PFKFB2: variants seen among roughly 807,000 people sequenced by gnomAD.
The protein encoded by PFKFB2 is 6-phosphofructo-2-kinase/fructose-2,6-bisphosphatase 2.
PFKFB2 carries 53 observed loss-of-function variants against 68.0 expected under a neutral mutation model. The ratio of observed to expected loss-of-function variants is 0.78; its 90% CI spans 0.63 to 0.98. The LOEUF is 0.98. PFKFB2 is among the 50% of genes least tolerant of loss of function. The pLI is 0.00. For synonymous variants in PFKFB2, 222 were observed against 227.6 expected (o/e 0.98, Z 0.22); for missense variants, 451 against 642.0 (o/e 0.70, Z 3.22).
At chr1:207,064,920 C>G (rs746858367) in intron 7 of PFKFB2, 116 bp from the exon 8 acceptor site, 2 of 1,208,072 alleles carry the variant, frequency 1.7e-6, no homozygotes, top group South Asian at 3.0e-5. Context: ...TGCCAATGTT[C>G]CAGTGAAAGG....
intron 2 of PFKFB2, among the ~76,000 whole-genome samples, chr1:207,061,173 A>ATT (rs1423603779): frequency 0.011 from 730 of 64,100 alleles, 41 homozygotes; most frequent in African/African-American, 0.05. Flanking sequence ...CTTTATATAT[A>ATT]TATATATATA....
chr1:207,079,083 C>A, downstream of PFKFB2: 2 of 1,360,178 alleles, frequency 1.5e-6, no homozygotes, highest in Non-Finnish European at 1.0e-6. Flanking sequence ...CTTGGGATGT[C>A]AGCTTCACAG....
intron 1 of PFKFB2, among the ~76,000 whole-genome samples, chr1:207,036,011 A>T (rs61238361): frequency 0.041 from 6,194 of 152,288 alleles, 402 homozygotes; most frequent in African/African-American, 0.14. Context: ...AGACCTAGTA[A>T]TTGATACGGA....
intron 1 of PFKFB2, among the ~76,000 whole-genome samples, chr1:207,039,936 T>G (rs147092580): frequency 2.6e-5 from 4 of 152,004 alleles, no homozygotes; most frequent in Non-Finnish European, 5.9e-5. Flanking sequence ...AGAGGCTGAG[T>G]GGTACTTCTG....
Position 207,076,461 on chromosome 1 carries a change from C to T in PFKFB2, c.*4090C>T. On this transcript the variant is annotated 3_prime_UTR_variant, in exon 15 of 15. Transcript: ENST00000367080. ...AATTTGATAGATTTACCCAGCTTTTCTATGTATTTTGACTTATTGAAAATA... is the reference window on the plus strand; with the variant it reads ...AATTTGATAGATTTACCCAGCTTTTTTATGTATTTTGACTTATTGAAAATA... 21 of 985,306 alleles carry T rather than the reference C, an allele frequency of 2.1e-5. No individual in the cohort carries two copies. Among genetic ancestry groups the T allele is most frequent in the Non-Finnish European group, 2.4e-5 (20 of 829,870 alleles). The allele number at this position is 985,306 out of a possible 1,614,324, so 61.0% of individuals were successfully genotyped here.
Position 207,074,028 on chromosome 1 carries a change from C to T in PFKFB2, c.*1657C>T. The stretch of plus-strand genomic sequence containing the variant: ...ATCCAGGAGTATTCCTTAGAATTGC[C>T]TTTAGGATTGTTGAATCATAAACAT... On this transcript the variant is annotated 3_prime_UTR_variant, in exon 15 of 15. Coordinates refer to ENST00000367080, the MANE Select transcript of PFKFB2 (RefSeq NM_006212.2). 4.2e-6 allele frequency: 4 copies of T among 957,234 alleles called. No homozygotes were observed. The highest frequency in any genetic ancestry group is 3.7e-6 in the Non-Finnish European group (3 of 804,274). 59.3% of individuals were successfully genotyped at this position (957,234 alleles called of 1,614,324 possible).
intron 7 of PFKFB2, 125 bp from the exon 8 acceptor site, chr1:207,064,911 G>A (rs1683237531): frequency 1.8e-6 from 2 of 1,096,860 alleles, no homozygotes; most frequent in Non-Finnish European, 2.6e-6. Context: ...TGAGTGGAGT[G>A]CCAATGTTCC....
At chr1:207,071,115 T>C in intron 12 of PFKFB2, 73 bp from the exon 13 acceptor site, 1 of 1,192,028 alleles carries the variant, frequency 8.4e-7, no homozygotes, top group Non-Finnish European at 1.3e-6. Flanking sequence ...GCTCTGTAGA[T>C]TCTTTCTTCC....
In PFKFB2 at chr1:207,072,477, C is replaced by G; in HGVS notation, c.*106C>G. On this transcript the variant is annotated 3_prime_UTR_variant, in exon 15 of 15. Coordinates refer to ENST00000367080, the MANE Select transcript of PFKFB2 (RefSeq NM_006212.2). ...CCAAGGAGTCATTAACTTCCTCCCT[C>G]TATGCCCACCCCTGACACTTCACCA... The G allele has an allele frequency of 1.3e-6, 2 of 1,495,586 alleles. No homozygotes were observed. The highest frequency in any genetic ancestry group is 1.4e-5 in the South Asian group (1 of 72,684). 92.6% of individuals were successfully genotyped at this position (1,495,586 alleles called of 1,614,324 possible).
chr1:207,072,859 C>T lies in PFKFB2; in HGVS notation c.*488C>T. 1 of 989,978 alleles carries T rather than the reference C, an allele frequency of 1.0e-6. No individual in the cohort carries two copies. Among genetic ancestry groups the T allele is most frequent in the Non-Finnish European group, 1.2e-6 (1 of 833,032 alleles). 61.3% of individuals were successfully genotyped at this position (989,978 alleles called of 1,614,324 possible). ...ACTCCTTACTTGACTGCTTTCTTCCCCCACTTTCATGTCCCCTCTGGATTG... is the reference window on the plus strand; with the variant it reads ...ACTCCTTACTTGACTGCTTTCTTCCTCCACTTTCATGTCCCCTCTGGATTG... On this transcript the variant is annotated 3_prime_UTR_variant, in exon 15 of 15. Transcript: ENST00000367080.
intron 2 of PFKFB2, chr1:207,060,788 T>C (rs1470816673): frequency 1.3e-5 from 2 of 151,844 alleles, no homozygotes; most frequent in Non-Finnish European, 2.9e-5. Flanking sequence ...GATGATGTCA[T>C]TGTTACTTTT....
chr1:207,062,720 A>G lies in PFKFB2; in HGVS notation c.308+4A>G, dbSNP rs745723210. On this transcript the variant is annotated splice_donor_region_variant and intron_variant, in intron 4 of 14. Transcript: ENST00000367080. ...AGGAGGCCATGAAGATCCGCAAGTGAGTCTTGTTTAAGGCCTGATCTCCAG... is the reference window on the plus strand; with the variant it reads ...AGGAGGCCATGAAGATCCGCAAGTGGGTCTTGTTTAAGGCCTGATCTCCAG... The G allele has an allele frequency of 6.2e-7, 1 of 1,613,202 alleles. No homozygotes were observed. Among genetic ancestry groups the G allele is most frequent in the South Asian group, 1.1e-5 (1 of 90,954 alleles).
downstream of PFKFB2, chr1:207,080,259 T>A (rs1558070625): frequency 6.6e-6 from 1 of 152,218 alleles, no homozygotes; most frequent in Non-Finnish European, 1.5e-5. Flanking sequence ...GTTTTTAGCT[T>A]TACTTTTCTT....
chr1:207,076,043 T>C lies in PFKFB2; in HGVS notation c.*3672T>C. ...TATATCTTTGCCTCTGGTGTTTCGT[T>C]GTTGTTGTTATTGTTTGTTTGTTTC... On this transcript the variant is annotated 3_prime_UTR_variant, in exon 15 of 15. Coordinates refer to ENST00000367080, the MANE Select transcript of PFKFB2 (RefSeq NM_006212.2). The C allele has an allele frequency of 1.4e-5, 14 of 984,312 alleles. No individual in the cohort carries two copies. Among genetic ancestry groups the C allele is most frequent in the Non-Finnish European group, 1.7e-5 (14 of 829,234 alleles). The allele number at this position is 984,312 out of a possible 1,614,324, so 61.0% of individuals were successfully genotyped here.
rs1483549989 is a variant in PFKFB2 at position 207,076,848 on chromosome 1, C to T, written c.*4477C>T. 4.1e-6 allele frequency: 4 copies of T among 985,216 alleles called. No homozygotes were observed. The African/African-American group carries it at 7.0e-5, about 17-fold the overall frequency. The allele number at this position is 985,216 out of a possible 1,614,324, so 61.0% of individuals were successfully genotyped here. A position where few individuals can be genotyped will look rare whatever the true frequency, so the allele number is the denominator to read the frequency against. ...TGACTAACGGTCTAGGGTCTGTAAG[C>T]TGACAGTCTGCCTGCTTTCTGATTG... On this transcript the variant is annotated 3_prime_UTR_variant, in exon 15 of 15. Transcript: ENST00000367080.
At chr1:207,060,962 A>ATATATATCTATATATCTATCTATATATC (rs1683070151) in intron 2 of PFKFB2, 3 of 140,310 alleles carry the variant, frequency 2.1e-5, no homozygotes, top group African/African-American at 8.4e-5. Context: ...TAAGTTAAAT[A>ATATATATCTATATATCTATCTATATATC]TATATATCTA....
intron 1 of PFKFB2, among the ~76,000 whole-genome samples, chr1:207,041,594 A>G (rs961625281): frequency 5.3e-5 from 8 of 152,180 alleles, no homozygotes; most frequent in Non-Finnish European, 1.0e-4. Flanking sequence ...ATAGTATTCC[A>G]TGGTGTATAT....
upstream of PFKFB2, among the ~76,000 whole-genome samples, chr1:207,050,200 G>GA (rs1682703448): frequency 6.6e-6 from 1 of 152,114 alleles, no homozygotes; most frequent in African/African-American, 2.4e-5. Flanking sequence ...CTGCTGGTTA[G>GA]AAATTGAAAG....
At chr1:207,035,311 G>T in intron 1 of PFKFB2, 1 of 447,752 alleles carries the variant, frequency 2.2e-6, no homozygotes, top group Non-Finnish European at 3.0e-6. Flanking sequence ...AGGTGTGTTA[G>T]TCCATTTGCA....
Sources: gnomAD v4.1 joint callset for allele counts (sites outside exome capture counted in the v4.1 genomes callset) on GRCh38, gnomAD v4.1.1 for gene constraint, MANE v1.5 for transcripts, NCBI Gene and HGNC (gene_info 2026-07-23, HGNC 2026-07-21) for gene names.